Variants in SLC2A13 observed in about 807,000 individuals in gnomAD.
SLC2A13 encodes solute carrier family 2 member 13.
A neutral mutation model predicts 64.4 loss-of-function variants in SLC2A13; 32 were observed. That is an observed-to-expected ratio of 0.50 (90% confidence interval 0.37 to 0.67). SLC2A13 has a LOEUF of 0.67. SLC2A13 is among the 30% of genes least tolerant of loss of function. SLC2A13 has a pLI of 0.00. For missense variants in SLC2A13, 743 were observed against 829.2 expected (o/e 0.90, Z 1.28); for synonymous variants, 338 against 327.1 (o/e 1.03, Z -0.36).
In SLC2A13 at chr12:40,105,765, C is replaced by A. The variant is rs1316443685; in HGVS notation, c.44G>T (p.Ser15Ile). 5.4e-6 allele frequency: 8 copies of A among 1,490,580 alleles called. No individual in the cohort carries two copies. Among genetic ancestry groups the A allele is most frequent in the Admixed American group, 2.4e-5 (1 of 42,122 alleles). The allele number at this position is 1,490,580 out of a possible 1,614,324, so 92.3% of individuals were successfully genotyped here. Residue 15 changes from serine (S) to isoleucine (I), a missense_variant, in exon 1 of 10, where the codon AGC becomes ATC. Physicochemically the swap from Ser to Ile is moderately radical, Grantham distance 142 (BLOSUM62 -2). Transcript: ENST00000280871. The surrounding 1 kb of genome is among the most constrained non-coding windows in gnomAD (Gnocchi z 4.2). ...ASENVEYTLR[S>I]LSSLMGERRR... is the part of the protein sequence containing the mutation. ...CCGCTCGCCCATCAGGCTGCTCAGG[C>A]TCCGCAGCGTGTACTCCACATTCTC...
chr12:39,968,273 G>T (rs1428942617), intron 3 of SLC2A13, among the ~76,000 whole-genome samples: 1 of 151,998 alleles, frequency 6.6e-6, no homozygotes, highest in Non-Finnish European at 1.5e-5. Context: ...CGGCGGGAGA[G>T]CCCCTTATTA....
chr12:39,778,113 G>A (rs888719550), intron 7 of SLC2A13, among the ~76,000 whole-genome samples: 1 of 152,074 alleles, frequency 6.6e-6, no homozygotes, highest in Non-Finnish European at 1.5e-5. Context: ...GCAGCAGGGC[G>A]GTGAAGAAGT....
At chr12:39,993,922 G>A (rs201943096) in intron 3 of SLC2A13, among the ~76,000 whole-genome samples, 2 of 152,022 alleles carry the variant, frequency 1.3e-5, no homozygotes, top group South Asian at 2.1e-4. Context: ...GAAAAGCAAG[G>A]AGCAAAGGAA....
intron 4 of SLC2A13, among the ~76,000 whole-genome samples, chr12:39,896,836 A>T (rs529570444): frequency 6.6e-6 from 1 of 152,244 alleles, no homozygotes; most frequent in South Asian, 2.1e-4. Context: ...AGTGTGACAA[A>T]ATATGTACAA....
chr12:39,977,301 C>G (rs1341496215), intron 3 of SLC2A13, among the ~76,000 whole-genome samples: 3 of 152,144 alleles, frequency 2.0e-5, no homozygotes, highest in African/African-American at 7.2e-5. Flanking sequence ...TTTATCTAAC[C>G]CCAAACCCCT....
chr12:39,793,732 T>C (rs1244857691), intron 7 of SLC2A13, among the ~76,000 whole-genome samples: 1 of 152,172 alleles, frequency 6.6e-6, no homozygotes, highest in Non-Finnish European at 1.5e-5. Flanking sequence ...ATTCTCCAGA[T>C]TATTCATGCA....
chr12:39,861,010 G>A (rs1042388510), intron 6 of SLC2A13, among the ~76,000 whole-genome samples: 2 of 152,160 alleles, frequency 1.3e-5, no homozygotes, highest in African/African-American at 2.4e-5. Context: ...GCTCTGATCT[G>A]TCTTAATAGT....
chr12:39,780,165 C>G (rs1940929709), intron 7 of SLC2A13, among the ~76,000 whole-genome samples: 1 of 152,152 alleles, frequency 6.6e-6, no homozygotes, highest in Admixed American at 6.5e-5. Flanking sequence ...AATCTGATGA[C>G]AATTCAAAGC....
chr12:39,864,959 A>G, intron 5 of SLC2A13, 77 bp from the exon 6 acceptor site: 1 of 1,364,870 alleles, frequency 7.3e-7, no homozygotes, highest in Admixed American at 2.4e-5. Context: ...GTAAAAACAA[A>G]CCAAAAAACA....
At chr12:39,895,514 TTATATATA>T (rs777418112) in intron 4 of SLC2A13, among the ~76,000 whole-genome samples, 17,557 of 56,242 alleles carry the variant, frequency 0.31, 3,328 homozygotes, top group Non-Finnish European at 0.35. Context: ...AAAAAAAAAA[TTATATATA>T]TATATATATA....
rs1555131471 is a variant in SLC2A13 at position 39,905,831 on chromosome 12, A to AAC, written c.1035-33871_1035-33870insGT. Among the ~76,000 whole-genome samples the AAC allele has an allele frequency of 4.6e-5, 7 of 151,628 alleles. 1 individual carries two copies. Among genetic ancestry groups the AAC allele is most frequent in the Non-Finnish European group, 1.0e-4 (7 of 67,878 alleles). On this transcript the variant is annotated intron_variant, in intron 4 of 9. Coordinates refer to ENST00000280871, the MANE Select transcript of SLC2A13 (RefSeq NM_052885.4). The stretch of plus-strand genomic sequence containing the variant: ...TTTATTAAAATGCCCAGAAAAAAAA[A>AAC]AAAACTACACTTCTATGGATAACTT...
In SLC2A13 at chr12:40,028,298, T is replaced by C. The variant is rs1370182585; in HGVS notation, c.925+3A>G. 14 of 1,612,496 alleles carry C rather than the reference T, an allele frequency of 8.7e-6. No homozygotes were observed. The highest frequency in any genetic ancestry group is 4.0e-5 in the African/African-American group (3 of 74,870). ...AATTCATATAAGTATAAAGTCTATA[T>C]ACCTGAGCCAACCTCTTTTTCCTCC... On this transcript the variant is annotated splice_donor_region_variant and intron_variant, in intron 3 of 9. Coordinates refer to ENST00000280871, the MANE Select transcript of SLC2A13 (RefSeq NM_052885.4).
At chr12:40,022,090 C>A (rs1947729220) in intron 3 of SLC2A13, among the ~76,000 whole-genome samples, 1 of 152,000 alleles carries the variant, frequency 6.6e-6, no homozygotes, top group African/African-American at 2.4e-5. Context: ...CAGACATGAC[C>A]CCCAAGGAAC....
At chr12:39,777,715 C>T (rs925152783) in intron 7 of SLC2A13, among the ~76,000 whole-genome samples, 13 of 152,172 alleles carry the variant, frequency 8.5e-5, no homozygotes, top group Non-Finnish European at 1.8e-4. Context: ...TCGAGAGGAA[C>T]GCACCAACAG....
chr12:39,931,461 C>T (rs775036263), intron 4 of SLC2A13, among the ~76,000 whole-genome samples: 4 of 152,208 alleles, frequency 2.6e-5, no homozygotes, highest in Non-Finnish European at 4.4e-5. Flanking sequence ...CCCAGAGACA[C>T]GTGGGCCTCC....
At chr12:39,965,871 C>G (rs1946501726) in intron 3 of SLC2A13, among the ~76,000 whole-genome samples, 1 of 151,994 alleles carries the variant, frequency 6.6e-6, no homozygotes. Flanking sequence ...AAAACTAAAG[C>G]TCTTAAAGAA....
chr12:39,965,166 A>G (rs1946486624), intron 3 of SLC2A13, among the ~76,000 whole-genome samples: 1 of 152,196 alleles, frequency 6.6e-6, no homozygotes, highest in Non-Finnish European at 1.5e-5. Flanking sequence ...GAGCAACATA[A>G]TACCAAAACA....
At chr12:39,926,547 C>G (rs1945733518) in intron 4 of SLC2A13, among the ~76,000 whole-genome samples, 1 of 152,082 alleles carries the variant, frequency 6.6e-6, no homozygotes, top group African/African-American at 2.4e-5. Flanking sequence ...TTTCAACTTC[C>G]AGGTCATCAT....
At chr12:40,075,144 T>C (rs1431422129) in intron 1 of SLC2A13, among the ~76,000 whole-genome samples, 1 of 152,164 alleles carries the variant, frequency 6.6e-6, no homozygotes, top group Non-Finnish European at 1.5e-5. Flanking sequence ...AAGGGAAATT[T>C]TCTCAAATAT....
Sources: gnomAD v4.1 joint callset for allele counts (sites outside exome capture counted in the v4.1 genomes callset) on GRCh38, gnomAD v4.1.1 for gene constraint, Gnocchi (gnomAD v3.1) non-coding constraint, MANE v1.5 for transcripts, NCBI Gene and HGNC (gene_info 2026-07-23, HGNC 2026-07-21) for gene names.